ADGRV1: variants seen among roughly 807,000 people sequenced by gnomAD.
The protein encoded by ADGRV1 is adhesion G protein-coupled receptor V1.
ADGRV1 carries 359 observed loss-of-function variants against 596.2 expected under a neutral mutation model. The ratio of observed to expected loss-of-function variants is 0.60; its 90% CI spans 0.55 to 0.66. The LOEUF (loss-of-function observed/expected upper bound fraction) is 0.66. Ranked by LOEUF, ADGRV1 falls within the 30% of genes least tolerant of loss-of-function variation. The pLI is 0.00. For missense variants in ADGRV1, 7,274 were observed against 7,575.6 expected, an observed-to-expected ratio of 0.96 and a Z score of 1.48; for synonymous variants, 2,681 against 2,679.2, an observed-to-expected ratio of 1.00 and a Z score of -0.02.
chr5:90,777,890 T>C lies in ADGRV1; in HGVS notation c.12528-15T>C. On this transcript the variant is annotated splice_polypyrimidine_tract_variant and intron_variant, in intron 61 of 89. Coordinates refer to ENST00000405460, the MANE Select transcript of ADGRV1 (RefSeq NM_032119.4). The stretch of plus-strand genomic sequence containing the variant: ...AACTGAAATGTATTGGATATACATT[T>C]GTTTATTGTTGTAGCCTTGTTCGAG... 6.3e-7 allele frequency: 1 copy of C among 1,591,204 alleles called. No homozygotes were observed. Among genetic ancestry groups the C allele is most frequent in the South Asian group, 1.1e-5 (1 of 88,512 alleles).
intron 89 of ADGRV1, among the ~76,000 whole-genome samples, chr5:91,160,195 G>A (rs778248599): frequency 6.6e-6 from 1 of 152,076 alleles, no homozygotes; most frequent in African/African-American, 2.4e-5. Flanking sequence ...CAGAATCAAG[G>A]CCCAAAATAC....
At chr5:90,586,208 C>T (rs1390999809) in intron 1 of ADGRV1, among the ~76,000 whole-genome samples, 1 of 152,122 alleles carries the variant, frequency 6.6e-6, no homozygotes, top group Non-Finnish European at 1.5e-5. Flanking sequence ...CAAGATTTTG[C>T]CATACTTGTT....
At position 90,739,791 on chromosome 5, in the gene ADGRV1, G is replaced by A. The variant is rs548446706; in HGVS notation, c.10550-5255G>A. On this transcript the variant is annotated intron_variant, in intron 50 of 89. Transcript: ENST00000405460. ...ATTGCTACTTAACTACTCAGGGTAG[G>A]CAGGACTGCAGGCTATGCTGCATAG... is the stretch of plus-strand genomic sequence containing the variant. Among the ~76,000 whole-genome samples, 7 of 152,334 alleles carry A rather than the reference G, an allele frequency of 4.6e-5. No individual in the cohort carries two copies. The East Asian group carries it at 1.4e-3, about 29-fold the overall frequency.
At chr5:90,579,655 T>A (rs1483939840) in intron 1 of ADGRV1, among the ~76,000 whole-genome samples, 1 of 152,198 alleles carries the variant, frequency 6.6e-6, no homozygotes, top group Non-Finnish European at 1.5e-5. Context: ...ATGTCCTGGA[T>A]ATCCTTGTTA....
At chr5:90,937,106 T>G (rs1775758811) in intron 83 of ADGRV1, among the ~76,000 whole-genome samples, 2 of 152,150 alleles carry the variant, frequency 1.3e-5, no homozygotes, top group South Asian at 4.1e-4. Flanking sequence ...GATTCTCCAG[T>G]TTCATTACAA....
At chr5:90,886,238 A>C (rs916820277) in intron 83 of ADGRV1, among the ~76,000 whole-genome samples, 2 of 152,118 alleles carry the variant, frequency 1.3e-5, no homozygotes, top group African/African-American at 4.8e-5. Context: ...TTTCCTTCTG[A>C]AGATGGTTCA....
intron 79 of ADGRV1, among the ~76,000 whole-genome samples, 192 bp from the exon 80 acceptor site, chr5:90,853,092 T>G (rs1766690375): frequency 6.6e-6 from 1 of 152,222 alleles, no homozygotes; most frequent in Admixed American, 6.5e-5. Context: ...ATGCAGAAAA[T>G]TCTGTGCAAA....
chr5:90,646,160 A>C, intron 16 of ADGRV1, 69 bp downstream of exon 16: 2 of 1,094,870 alleles, frequency 1.8e-6, no homozygotes, highest in Non-Finnish European at 2.5e-6. Context: ...GTATATATGC[A>C]CGTGCATATA....
chr5:90,706,524 G>C, intron 38 of ADGRV1, 130 bp downstream of exon 38: 1 of 777,926 alleles, frequency 1.3e-6, no homozygotes, highest in Non-Finnish European at 2.0e-6. Context: ...TGCCATGTTG[G>C]TGTGCTGCAC....
Position 91,072,534 on chromosome 5 carries a change from C to G in ADGRV1, c.18240C>G (p.Ile6080Met), listed in dbSNP as rs1788480436. Reference protein sequence around the residue: ...TCLVVVFVVFIHAYQVKPQWK... With the variant: ...TCLVVVFVVFMHAYQVKPQWK... ...TCGTGGTGGTGTTCGTGGTGTTCAT[C>G]CATGCCTACCAGGTGAAGCCACAGT... The change falls in exon 86 of 90, where the codon ATC becomes ATG. Residue 6080 changes from isoleucine to methionine, a missense_variant. By Grantham distance (10) the Ile-to-Met change is conservative. Around this residue, in one of 5 missense-constraint regions of ADGRV1, gnomAD observed 1,874 missense variants for 1,970.2 expected, o/e 0.95. Coordinates refer to ENST00000405460, the MANE Select transcript of ADGRV1 (RefSeq NM_032119.4). 1 of 1,613,656 alleles carries G rather than the reference C, an allele frequency of 6.2e-7. No individual in the cohort carries two copies. The highest frequency in any genetic ancestry group is 1.7e-5 in the Admixed American group (1 of 59,996).
chr5:90,983,127 T>A (rs1236887616), intron 84 of ADGRV1, among the ~76,000 whole-genome samples: 1 of 152,248 alleles, frequency 6.6e-6, no homozygotes, highest in Admixed American at 6.5e-5. Context: ...AAATTTAAAT[T>A]ATTTTTTATT....
chr5:90,968,409 G>A (rs781194581), intron 84 of ADGRV1, among the ~76,000 whole-genome samples: 25 of 152,174 alleles, frequency 1.6e-4, no homozygotes, highest in Non-Finnish European at 3.4e-4. Context: ...AATGAAGATT[G>A]GTATATTCTA....
chr5:90,818,949 T>A (rs1340238484), intron 75 of ADGRV1, among the ~76,000 whole-genome samples: 1 of 151,756 alleles, frequency 6.6e-6, no homozygotes, highest in Non-Finnish European at 1.5e-5. Flanking sequence ...TAGGGAGGAT[T>A]CCCTCTTTTT....
intron 86 of ADGRV1, among the ~76,000 whole-genome samples, chr5:91,083,271 T>C (rs575553715): frequency 6.6e-6 from 1 of 152,106 alleles, no homozygotes; most frequent in African/African-American, 2.4e-5. Flanking sequence ...AGGGATAGCA[T>C]TAGGAGATAT....
intron 87 of ADGRV1, among the ~76,000 whole-genome samples, chr5:91,143,553 G>A (rs1795279432): frequency 6.6e-6 from 1 of 152,210 alleles, no homozygotes; most frequent in South Asian, 2.1e-4. Flanking sequence ...TGTCTCCACA[G>A]GCAGGTCGTC....
chr5:91,111,033 C>T (rs1792318003), intron 87 of ADGRV1, among the ~76,000 whole-genome samples: 1 of 152,094 alleles, frequency 6.6e-6, no homozygotes, highest in African/African-American at 2.4e-5. Context: ...ACTTAAAGAG[C>T]CAGTTGGTTA....
At chr5:91,106,808 T>C (rs1791916244) in intron 87 of ADGRV1, among the ~76,000 whole-genome samples, 1 of 152,194 alleles carries the variant, frequency 6.6e-6, no homozygotes, top group African/African-American at 2.4e-5. Context: ...TGCTAAATAC[T>C]GTATACCAAT....
At chr5:91,136,627 A>G (rs1338915879) in intron 87 of ADGRV1, among the ~76,000 whole-genome samples, 1 of 152,238 alleles carries the variant, frequency 6.6e-6, no homozygotes, top group Non-Finnish European at 1.5e-5. Flanking sequence ...CAGCTTACAA[A>G]TATATATAGT....
intron 83 of ADGRV1, among the ~76,000 whole-genome samples, chr5:90,871,907 T>C (rs1206010359): frequency 6.6e-6 from 1 of 152,122 alleles, no homozygotes; most frequent in Non-Finnish European, 1.5e-5. Context: ...ATTTGCAGCA[T>C]TGTTGAGAAG....
Sources: gnomAD v4.1 joint callset for allele counts (sites outside exome capture counted in the v4.1 genomes callset) on GRCh38, gnomAD v4.1.1 for gene constraint, gnomAD v4.1.1 regional missense constraint, MANE v1.5 for transcripts, NCBI Gene and HGNC (gene_info 2026-07-23, HGNC 2026-07-21) for gene names.